Variants in ADGRV1 observed in about 807,000 individuals in gnomAD.
ADGRV1 encodes G-protein coupled receptor 98.
Under a neutral mutation model 596.2 loss-of-function variants are expected in ADGRV1, and 359 were observed. The ratio of observed to expected loss-of-function variants is 0.60; its 90% CI spans 0.55 to 0.66. The LOEUF (loss-of-function observed/expected upper bound fraction) is 0.66, where lower values mean the gene tolerates loss of function less well. Among genes scored for constraint, ADGRV1 ranks in the 30% least tolerant of loss-of-function variants. The probability of loss-of-function intolerance (pLI) is 0.00; values close to 1 mark genes in which losing one functional copy is unlikely to be tolerated. For missense variants in ADGRV1, 7,274 were observed against 7,575.6 expected (o/e 0.96, Z 1.48); for synonymous variants, 2,681 against 2,679.2 (o/e 1.00, Z -0.02).
intron 45 of ADGRV1, among the ~76,000 whole-genome samples, chr5:90,721,566 TA>T (rs58539532): frequency 2.6e-5 from 3 of 115,016 alleles, no homozygotes; most frequent in Non-Finnish European, 5.4e-5. Context: ...TAAAATAAAA[TA>T]AAATAAAATA....
chr5:91,094,881 G>A (rs1790721250), intron 86 of ADGRV1, among the ~76,000 whole-genome samples: 1 of 152,138 alleles, frequency 6.6e-6, no homozygotes, highest in Non-Finnish European at 1.5e-5. Flanking sequence ...GTGCTTGGAG[G>A]AAGATAACAT....
At position 90,643,032 on chromosome 5, in the gene ADGRV1, G is replaced by T; in HGVS notation, c.2544G>T (p.Gly848=). 6.2e-7 allele frequency: 1 copy of T among 1,612,170 alleles called. No individual in the cohort carries two copies. ...IVITLLARLD[G]IPELDEHYWV... ...TCACCTTGCTAGCAAGATTGGATGG[G>T]ATACCAGAGGTATGGGATTTTATAT... The change falls in exon 13 of 90, where the codon GGG becomes GGT. Residue 848 remains glycine (G), a synonymous_variant. Transcript: ENST00000405460.
At chr5:90,773,082 T>C (rs1757864008) in intron 59 of ADGRV1, among the ~76,000 whole-genome samples, 1 of 151,682 alleles carries the variant, frequency 6.6e-6, no homozygotes, top group Admixed American at 6.6e-5. Flanking sequence ...GGCAGGAGAA[T>C]AGTTTGAACC....
At position 90,690,046 on chromosome 5, in the gene ADGRV1, G is replaced by A. The variant is rs397517433; in HGVS notation, c.6676G>A (p.Glu2226Lys). The A allele has an allele frequency of 2.0e-5, 32 of 1,581,674 alleles. No individual in the cohort carries two copies. The highest frequency in any genetic ancestry group is 2.7e-5 in the Non-Finnish European group (31 of 1,161,452). The change falls in exon 30 of 90, where the codon GAG (glutamate) becomes AAG (lysine). Residue 2226 changes from glutamate to lysine, a missense_variant. Glu to Lys is a moderately conservative substitution (Grantham distance 56). This residue lies in a region of ADGRV1 where 3,643 missense variants were observed against 3,809.2 expected (regional missense o/e 0.96). Transcript: ENST00000405460. Reference sequence around the variant, plus strand: ...TTTAACAGAGGCAGTCATTATTATTGAGGCCTCTGATGACCCCTATGGATT... The same window carrying A: ...TTTAACAGAGGCAGTCATTATTATTAAGGCCTCTGATGACCCCTATGGATT... ...GALTEAVIII[E>K]ASDDPYGLFG...
intron 76 of ADGRV1, among the ~76,000 whole-genome samples, chr5:90,825,432 G>A (rs947980455): frequency 6.6e-6 from 1 of 152,154 alleles, no homozygotes; most frequent in African/African-American, 2.4e-5. Flanking sequence ...ACTGTTAGCT[G>A]TTCAAAAATT....
At chr5:91,017,524 G>A (rs937972473) in intron 85 of ADGRV1, among the ~76,000 whole-genome samples, 28 of 151,888 alleles carry the variant, frequency 1.8e-4, no homozygotes, top group South Asian at 2.1e-4. Flanking sequence ...GGGGGTGATT[G>A]CAGGCAAAAC....
chr5:90,877,342 G>A (rs1233466484), intron 83 of ADGRV1, among the ~76,000 whole-genome samples: 2 of 152,222 alleles, frequency 1.3e-5, no homozygotes, highest in African/African-American at 4.8e-5. Context: ...GGGCAGACCT[G>A]TTGGAAAAGT....
chr5:91,107,276 G>T (rs1349370053), intron 87 of ADGRV1, among the ~76,000 whole-genome samples: 1 of 152,128 alleles, frequency 6.6e-6, no homozygotes, highest in Non-Finnish European at 1.5e-5. Flanking sequence ...AGATTTTTTG[G>T]TTTTGTTTTC....
In ADGRV1 at chr5:90,647,740, T is replaced by C. The variant is rs1213050066; in HGVS notation, c.3265T>C (p.Tyr1089His). 1 of 1,613,212 alleles carries C rather than the reference T, an allele frequency of 6.2e-7. No individual in the cohort carries two copies. The highest frequency in any genetic ancestry group is 1.3e-5 in the African/African-American group (1 of 74,892). Residue 1089 changes from tyrosine to histidine, a missense_variant, in exon 17 of 90, where the codon TAT (tyrosine) becomes CAT (histidine). Tyr to His is a moderately conservative substitution (Grantham distance 83). Coordinates refer to ENST00000405460, the MANE Select transcript of ADGRV1 (RefSeq NM_032119.4). ...TATCCCGGAAACAGATGAGCCCTTT[T>C]ATATAATCCTCTTGAATTCAACAGG... Reference protein sequence around the residue: ...DGIPETDEPFYIILLNSTGDT... With the variant: ...DGIPETDEPFHIILLNSTGDT...
intron 85 of ADGRV1, among the ~76,000 whole-genome samples, chr5:91,009,533 A>G (rs567357230): frequency 7.9e-5 from 12 of 152,268 alleles, no homozygotes; most frequent in African/African-American, 2.6e-4. Flanking sequence ...CTAAATGTTC[A>G]TACCTGTAAT....
chr5:91,066,161 A>G (rs1787867435), intron 85 of ADGRV1, among the ~76,000 whole-genome samples: 1 of 152,208 alleles, frequency 6.6e-6, no homozygotes, highest in African/African-American at 2.4e-5. Flanking sequence ...CAATAGCTGC[A>G]CGTTAATCAG....
chr5:91,035,804 T>C (rs1266252856), intron 85 of ADGRV1, among the ~76,000 whole-genome samples: 1 of 130,724 alleles, frequency 7.6e-6, no homozygotes, highest in Non-Finnish European at 1.6e-5. Flanking sequence ...ACAATAATAA[T>C]CTCTATCTCA....
At chr5:90,834,902 TTC>T (rs1416899030) in intron 77 of ADGRV1, among the ~76,000 whole-genome samples, 2 of 151,384 alleles carry the variant, frequency 1.3e-5, no homozygotes, top group African/African-American at 2.4e-5. Flanking sequence ...TTCTTTCTCT[TTC>T]TTTTTCTTTC....
chr5:90,768,431 A>G (rs188162682), intron 59 of ADGRV1, among the ~76,000 whole-genome samples: 38 of 152,356 alleles, frequency 2.5e-4, no homozygotes, highest in South Asian at 2.1e-4. Flanking sequence ...CACTCCATCA[A>G]TAATGCCCAG....
intron 75 of ADGRV1, among the ~76,000 whole-genome samples, chr5:90,821,524 G>A (rs944824354): frequency 1.5e-4 from 23 of 151,048 alleles, no homozygotes; most frequent in Non-Finnish European, 5.9e-5. Context: ...TTTCTGTTCT[G>A]TTTTTTCCCC....
At chr5:90,736,321 C>T (rs1753212738) in intron 50 of ADGRV1, among the ~76,000 whole-genome samples, 1 of 151,984 alleles carries the variant, frequency 6.6e-6, no homozygotes, top group African/African-American at 2.4e-5. Context: ...AAGAATAAAT[C>T]CCACTTGATC....
chr5:90,751,869 C>G (rs555792125), intron 53 of ADGRV1, among the ~76,000 whole-genome samples: 72 of 152,292 alleles, frequency 4.7e-4, no homozygotes, highest in Admixed American at 1.6e-3. Flanking sequence ...GCTACCAGAA[C>G]TGTAAGTTGT....
intron 6 of ADGRV1, 124 bp downstream of exon 6, chr5:90,625,367 C>A: frequency 1.8e-6 from 1 of 549,838 alleles, no homozygotes; most frequent in Non-Finnish European, 3.3e-6. Flanking sequence ...TTCTGGAATA[C>A]ATCTTATTAC....
intron 1 of ADGRV1, among the ~76,000 whole-genome samples, chr5:90,595,140 G>T (rs1354837972): frequency 9.9e-5 from 11 of 111,612 alleles, no homozygotes; most frequent in Admixed American, 8.0e-5. Flanking sequence ...CCTCCCGGAC[G>T]GGGCGGCTGG....
Sources: gnomAD v4.1 joint callset for allele counts (sites outside exome capture counted in the v4.1 genomes callset) on GRCh38, gnomAD v4.1.1 for gene constraint, gnomAD v4.1.1 regional missense constraint, MANE v1.5 for transcripts, NCBI Gene and HGNC (gene_info 2026-07-23, HGNC 2026-07-21) for gene names.